FOXN3: variants seen among roughly 807,000 people sequenced by gnomAD.
The protein encoded by FOXN3 is forkhead box protein N3.
A neutral mutation model predicts 38.4 loss-of-function variants in FOXN3; 7 were observed. The observed-to-expected ratio is 0.18, with a 90% CI of 0.10 to 0.34. FOXN3 has a LOEUF of 0.34. FOXN3 is among the 10% of genes least tolerant of loss of function. The probability of loss-of-function intolerance (pLI) is 1.00; values close to 1 mark genes in which losing one functional copy is unlikely to be tolerated. For synonymous variants in FOXN3, 230 were observed against 242.2 expected (o/e 0.95, Z 0.47); for missense variants, 456 against 613.4 (o/e 0.74, Z 2.71).
chr14:89,479,418 G>A (rs1893278233), intron 1 of FOXN3, among the ~76,000 whole-genome samples: 1 of 152,188 alleles, frequency 6.6e-6, no homozygotes, highest in Non-Finnish European at 1.5e-5. Context: ...TCTCAGGATA[G>A]TTAGTGCAAT....
intron 4 of FOXN3, among the ~76,000 whole-genome samples, chr14:89,267,430 C>G (rs1240379425): frequency 6.6e-6 from 1 of 152,078 alleles, no homozygotes; most frequent in African/African-American, 2.4e-5. Flanking sequence ...CCAGGTAGAC[C>G]AGGAAGCAGG....
At chr14:89,447,064 C>T in intron 1 of FOXN3, among the ~76,000 whole-genome samples, 1 of 152,074 alleles carries the variant, frequency 6.6e-6, no homozygotes, top group East Asian at 1.9e-4. Context: ...GGTGTGGTGG[C>T]ATGCACCTGT....
chr14:89,395,823 G>A (rs979575583), intron 2 of FOXN3, among the ~76,000 whole-genome samples: 1 of 152,014 alleles, frequency 6.6e-6, no homozygotes. Flanking sequence ...TGGAGGGGGG[G>A]GAGTTTCAAA....
chr14:89,176,186 T>G (rs1887514259), intron 5 of FOXN3, among the ~76,000 whole-genome samples: 1 of 152,156 alleles, frequency 6.6e-6, no homozygotes, highest in Admixed American at 6.5e-5. Context: ...CACCGTAAAG[T>G]CAATTACACT....
intron 1 of FOXN3, among the ~76,000 whole-genome samples, chr14:89,536,266 G>A (rs1278694462): frequency 6.6e-6 from 1 of 152,128 alleles, no homozygotes; most frequent in African/African-American, 2.4e-5. Flanking sequence ...CCTAGGTCAG[G>A]TTTCAGCCTC....
chr14:89,458,867 A>C (rs1892781326), intron 1 of FOXN3, among the ~76,000 whole-genome samples: 1 of 152,148 alleles, frequency 6.6e-6, no homozygotes, highest in African/African-American at 2.4e-5. Flanking sequence ...AAGATTCACC[A>C]CGCTCAGTCC....
chr14:89,183,444 C>T (rs560842453), intron 4 of FOXN3, among the ~76,000 whole-genome samples: 1 of 152,140 alleles, frequency 6.6e-6, no homozygotes, highest in East Asian at 1.9e-4. Context: ...AAGGTAACTA[C>T]AAGCAAGAGG....
chr14:89,448,786 C>T (rs1296372216), intron 1 of FOXN3, among the ~76,000 whole-genome samples: 1 of 151,218 alleles, frequency 6.6e-6, no homozygotes, highest in Non-Finnish European at 1.5e-5. Flanking sequence ...AAAAAAAATA[C>T]AAAAACTAGC....
upstream of FOXN3, chr14:89,417,389 C>T (rs1180788028): frequency 6.8e-6 from 1 of 147,332 alleles, no homozygotes; most frequent in Admixed American, 6.7e-5. Context: ...CCTGCCCGCG[C>T]CCCTCGCGCG....
At chr14:89,602,360 A>G (rs1197195590) in intron 1 of FOXN3, among the ~76,000 whole-genome samples, 1 of 152,070 alleles carries the variant, frequency 6.6e-6, no homozygotes, top group African/African-American at 2.4e-5. Context: ...GAGGCAGACC[A>G]TAAATATGGT....
chr14:89,298,938 A>T (rs1295919614), intron 3 of FOXN3, among the ~76,000 whole-genome samples: 2 of 151,700 alleles, frequency 1.3e-5, no homozygotes, highest in African/African-American at 4.8e-5. Flanking sequence ...TATGAGGCCC[A>T]TGCCCATTCC....
At chr14:89,461,183 A>G (rs1445453524) in intron 1 of FOXN3, among the ~76,000 whole-genome samples, 1 of 148,544 alleles carries the variant, frequency 6.7e-6, no homozygotes, top group Non-Finnish European at 1.5e-5. Context: ...TAAAAATACA[A>G]AAAATTAGCT....
chr14:89,555,896 G>T (rs1158934250), intron 1 of FOXN3, among the ~76,000 whole-genome samples: 18 of 110,438 alleles, frequency 1.6e-4, no homozygotes, highest in Non-Finnish European at 2.8e-4. Flanking sequence ...TGTATGTGGG[G>T]GTGTGTGTGT....
At chr14:89,374,195 T>C (rs1890401812) in intron 2 of FOXN3, among the ~76,000 whole-genome samples, 1 of 134,070 alleles carries the variant, frequency 7.5e-6, no homozygotes, top group Non-Finnish European at 1.5e-5. Context: ...GCCCAGAATG[T>C]CGAGGCTGCA....
At chr14:89,284,021 C>T (rs537373022) in intron 3 of FOXN3, among the ~76,000 whole-genome samples, 23 of 152,166 alleles carry the variant, frequency 1.5e-4, no homozygotes, top group South Asian at 4.2e-4. Context: ...CCAGCAAGCC[C>T]GGCTAATTTT....
chr14:89,341,334 C>A (rs1888609953), intron 3 of FOXN3, among the ~76,000 whole-genome samples: 1 of 152,198 alleles, frequency 6.6e-6, no homozygotes, highest in Non-Finnish European at 1.5e-5. Context: ...AATCTGTCCT[C>A]TCTGATGGTG....
chr14:89,396,067 A>T (rs1030653265), intron 2 of FOXN3, among the ~76,000 whole-genome samples: 3 of 152,234 alleles, frequency 2.0e-5, no homozygotes, highest in Non-Finnish European at 4.4e-5. Flanking sequence ...AATAGTGTCC[A>T]GAGACTCATT....
rs750443128 is a variant in FOXN3 at position 89,508,277 on chromosome 14, C to G, written c.-14-95787G>C. Reference sequence around the variant, plus strand: ...GGCTTGTGGCTCAGCTCAAAGCATACGCCCTGCTGAACGGAGGAGTGGCAT... The same window carrying G: ...GGCTTGTGGCTCAGCTCAAAGCATAGGCCCTGCTGAACGGAGGAGTGGCAT... On this transcript the variant is annotated intron_variant, in intron 1 of 6. Transcript: ENST00000345097. Among the ~76,000 whole-genome samples, 3 of 152,308 alleles carry G rather than the reference C, an allele frequency of 2.0e-5. No homozygotes were observed. In the East Asian group the frequency reaches 5.8e-4, roughly 29 times the overall value.
At chr14:89,360,765 A>T (rs1889492595) in intron 2 of FOXN3, among the ~76,000 whole-genome samples, 1 of 65,874 alleles carries the variant, frequency 1.5e-5, no homozygotes, top group African/African-American at 8.2e-5. Flanking sequence ...CACCTCCACC[A>T]CTACCACCTC....
Sources: allele counts gnomAD v4.1 joint callset (sites outside exome capture counted in the v4.1 genomes callset), GRCh38; gene constraint gnomAD v4.1.1; transcripts MANE v1.5; gene names NCBI Gene and HGNC (gene_info 2026-07-23, HGNC 2026-07-21).